The following COL25A1 variants were observed in gnomAD, a reference collection of about 807,000 sequenced individuals.
COL25A1 encodes collagen alpha-1(XXV) chain.
Under a neutral mutation model 128.4 loss-of-function variants are expected in COL25A1, and 103 were observed. That is an observed-to-expected ratio of 0.80 (90% CI 0.68 to 0.94). COL25A1 has a LOEUF of 0.94. Ranked by LOEUF, COL25A1 falls within the 40% of genes least tolerant of loss-of-function variation. The pLI, the probability that COL25A1 is intolerant of heterozygous loss-of-function variation, is 0.00. For missense variants in COL25A1, 745 were observed against 840.0 expected (o/e 0.89, Z 1.40); for synonymous variants, 279 against 277.2 (o/e 1.01, Z -0.06).
chr4:108,848,708 T>C lies in COL25A1; in HGVS notation c.1434+51A>G, dbSNP rs754884257. The C allele has an allele frequency of 1.2e-5, 15 of 1,271,652 alleles. 1 individual carries two copies. The East Asian group carries it at 2.8e-4, about 24-fold the overall frequency. The allele number at this position is 1,271,652 out of a possible 1,614,324, so 78.8% of individuals were successfully genotyped here. A position where few individuals can be genotyped will look rare whatever the true frequency, so the allele number is the denominator to read the frequency against. Reference sequence around the variant, plus strand: ...TTTGGCTTCAAACCTACAATAAAAGTAGTAATCAAGAATGATGCTTTAAAT... The same window carrying C: ...TTTGGCTTCAAACCTACAATAAAAGCAGTAATCAAGAATGATGCTTTAAAT... On this transcript the variant is annotated intron_variant, in intron 27 of 37. Coordinates refer to ENST00000399132, the MANE Select transcript of COL25A1 (RefSeq NM_198721.4).
chr4:109,179,036 A>T (rs540752862), intron 3 of COL25A1, among the ~76,000 whole-genome samples: 6 of 152,130 alleles, frequency 3.9e-5, no homozygotes, highest in African/African-American at 7.2e-5. Flanking sequence ...TAGCATTTTT[A>T]AAATGAAAAA....
At chr4:108,888,366 C>G (rs890537540) in intron 18 of COL25A1, among the ~76,000 whole-genome samples, 4 of 152,102 alleles carry the variant, frequency 2.6e-5, no homozygotes, top group African/African-American at 9.7e-5. Context: ...ATATGTTTAT[C>G]TACAGCATCA....
At chr4:108,851,776 A>G (rs1418734717) in intron 26 of COL25A1, among the ~76,000 whole-genome samples, 1 of 152,176 alleles carries the variant, frequency 6.6e-6, no homozygotes, top group East Asian at 1.9e-4. Context: ...ATTATGAAAA[A>G]TGATTCCTAA....
At chr4:109,173,587 T>A (rs529335922) in intron 3 of COL25A1, among the ~76,000 whole-genome samples, 64 of 152,342 alleles carry the variant, frequency 4.2e-4, no homozygotes, top group Non-Finnish European at 8.7e-4. Context: ...GTATTGCTTT[T>A]TCTATGAGCC....
chr4:109,216,423 A>C (rs1422878413), intron 3 of COL25A1, among the ~76,000 whole-genome samples: 1 of 152,180 alleles, frequency 6.6e-6, no homozygotes, highest in African/African-American at 2.4e-5. Context: ...CTCAAGTTCT[A>C]ACCCACAATA....
intron 3 of COL25A1, among the ~76,000 whole-genome samples, chr4:109,061,860 A>T (rs1472873631): frequency 6.6e-6 from 1 of 152,202 alleles, no homozygotes; most frequent in Non-Finnish European, 1.5e-5. Flanking sequence ...TGATTTCATA[A>T]TAATTCTAGC....
intron 3 of COL25A1, among the ~76,000 whole-genome samples, chr4:109,186,376 A>C (rs1243570549): frequency 6.6e-6 from 1 of 151,888 alleles, no homozygotes; most frequent in East Asian, 1.9e-4. Context: ...TATTCTCTGG[A>C]TTTTTAATGT....
intron 3 of COL25A1, among the ~76,000 whole-genome samples, chr4:109,071,336 T>C (rs1211892066): frequency 1.3e-5 from 2 of 152,088 alleles, no homozygotes; most frequent in Non-Finnish European, 2.9e-5. Context: ...CCTAAAACCA[T>C]AAAAACCCTA....
At chr4:109,132,736 TA>T (rs1769343667) in intron 3 of COL25A1, among the ~76,000 whole-genome samples, 1 of 152,162 alleles carries the variant, frequency 6.6e-6, no homozygotes, top group African/African-American at 2.4e-5. Context: ...ATAGATTTTT[TA>T]TTTTCAGGAG....
chr4:109,251,296 T>G (rs144172110), intron 3 of COL25A1, among the ~76,000 whole-genome samples: 275 of 152,346 alleles, frequency 1.8e-3, no homozygotes, highest in African/African-American at 4.9e-3. Flanking sequence ...TGTATTCCCT[T>G]TGCCTCCAGC....
intron 3 of COL25A1, among the ~76,000 whole-genome samples, chr4:109,195,252 C>G (rs1240853903): frequency 6.6e-6 from 1 of 152,188 alleles, no homozygotes; most frequent in Non-Finnish European, 1.5e-5. Context: ...CACAGTAGCC[C>G]TAGCCAGTTG....
At chr4:109,239,250 C>G (rs573579262) in intron 3 of COL25A1, among the ~76,000 whole-genome samples, 61 of 150,378 alleles carry the variant, frequency 4.1e-4, no homozygotes, top group African/African-American at 1.4e-3. Flanking sequence ...CTACTATATA[C>G]CTAGGCTATA....
chr4:108,813,791 A>G lies in COL25A1; in HGVS notation c.*136T>C. On this transcript the variant is annotated 3_prime_UTR_variant, in exon 38 of 38. Transcript: ENST00000399132. ...GTAAGTGGAGTAAAAATGGACATGT[A>G]TACTACTGCCAGCAGGAAGAAGCAG... is the stretch of plus-strand genomic sequence containing the variant. 1.4e-6 allele frequency: 1 copy of G among 695,980 alleles called. No homozygotes were observed. Among genetic ancestry groups the G allele is most frequent in the Non-Finnish European group, 2.5e-6 (1 of 398,612 alleles). The allele number at this position is 695,980 out of a possible 1,614,324, so 43.1% of individuals were successfully genotyped here.
intron 6 of COL25A1, among the ~76,000 whole-genome samples, chr4:109,000,751 AAAAAAAAAAAAAAAAAAG>A (rs1354212299): frequency 7.2e-6 from 1 of 138,504 alleles, no homozygotes; most frequent in Non-Finnish European, 1.6e-5. Flanking sequence ...GTCAAAAAAA[AAAAAAAAAAAAAAAAAAG>A]AAAAAACTAT....
chr4:109,095,742 G>A (rs1003719862), intron 3 of COL25A1, among the ~76,000 whole-genome samples: 8 of 152,172 alleles, frequency 5.3e-5, no homozygotes, highest in Admixed American at 1.3e-4. Context: ...TAGCAGACAC[G>A]GGTATTTGTA....
At chr4:108,823,850 T>G (rs943424979) in intron 35 of COL25A1, 1 of 1,260,622 alleles carries the variant, frequency 7.9e-7, no homozygotes. Flanking sequence ...CAGATTTGTG[T>G]CATTTAATTT....
chr4:109,003,132 A>C (rs569210336), intron 6 of COL25A1, among the ~76,000 whole-genome samples: 2 of 152,336 alleles, frequency 1.3e-5, no homozygotes, highest in South Asian at 4.1e-4. Context: ...TAATTAAACT[A>C]AGAGCTTCTG....
intron 11 of COL25A1, among the ~76,000 whole-genome samples, chr4:108,923,039 G>T (rs75934710): frequency 6.6e-6 from 1 of 152,120 alleles, no homozygotes; most frequent in South Asian, 2.1e-4. Context: ...ACACACACGT[G>T]TGCGCATGCA....
intron 19 of COL25A1, among the ~76,000 whole-genome samples, chr4:108,872,760 C>A (rs546257477): frequency 3.3e-5 from 5 of 152,108 alleles, no homozygotes; most frequent in Non-Finnish European, 7.4e-5. Context: ...ACACATATAT[C>A]TCTCAAAATG....
Sources: gnomAD v4.1 joint callset for allele counts (sites outside exome capture counted in the v4.1 genomes callset) on GRCh38, gnomAD v4.1.1 for gene constraint, MANE v1.5 for transcripts, NCBI Gene and HGNC (gene_info 2026-07-23, HGNC 2026-07-21) for gene names.